SAMD3: variants seen among roughly 807,000 people sequenced by gnomAD.
SAMD3 encodes sterile alpha motif domain containing 3, also known as sterile alpha motif domain-containing protein 3.
A neutral mutation model predicts 58.5 loss-of-function variants in SAMD3; 63 were observed. The ratio of observed to expected loss-of-function variants is 1.08; its 90% CI spans 0.88 to 1.33. The LOEUF is 1.33. Among genes scored for constraint, SAMD3 ranks in the 40% most tolerant of loss-of-function variants. The probability of loss-of-function intolerance (pLI) is 0.00; values close to 1 mark genes in which losing one functional copy is unlikely to be tolerated. For synonymous variants in SAMD3, 220 were observed against 210.3 expected (o/e 1.05, Z -0.40); for missense variants, 604 against 608.4 (o/e 0.99, Z 0.08).
At chr6:130,157,572 C>T (rs4897371) in intron 8 of SAMD3, among the ~76,000 whole-genome samples, 118,031 of 152,110 alleles carry the variant, frequency 0.78, 45,878 homozygotes, top group East Asian at 0.93. Flanking sequence ...AAGTGATCTG[C>T]TACCTTGGCC....
chr6:130,169,978 C>A (rs1791090720), intron 8 of SAMD3, among the ~76,000 whole-genome samples: 1 of 147,970 alleles, frequency 6.8e-6, no homozygotes, highest in Non-Finnish European at 1.5e-5. Context: ...TACTGAAAAT[C>A]AAATGTTTGA....
chr6:130,319,398 C>A (rs970855226), intron 1 of SAMD3, among the ~76,000 whole-genome samples: 1 of 151,810 alleles, frequency 6.6e-6, no homozygotes, highest in Admixed American at 6.6e-5. Context: ...AAGCCCGAAG[C>A]GAAAGACACA....
chr6:130,266,166 T>C (rs1018911275), intron 2 of SAMD3, among the ~76,000 whole-genome samples: 1 of 152,142 alleles, frequency 6.6e-6, no homozygotes, highest in Non-Finnish European at 1.5e-5. Flanking sequence ...GAGGAAAAGT[T>C]TATAAACGCT....
intron 1 of SAMD3, among the ~76,000 whole-genome samples, chr6:130,331,485 G>A (rs1000180413): frequency 1.3e-5 from 2 of 152,150 alleles, no homozygotes; most frequent in Non-Finnish European, 2.9e-5. Flanking sequence ...CACTTTGGGA[G>A]GCCGAGGAGG....
At chr6:130,238,140 A>C (rs1166668393) in intron 2 of SAMD3, among the ~76,000 whole-genome samples, 2 of 152,206 alleles carry the variant, frequency 1.3e-5, no homozygotes, top group African/African-American at 4.8e-5. Flanking sequence ...ACATTTATAA[A>C]AAAACAAATT....
chr6:130,316,486 A>C (rs1776376020), intron 1 of SAMD3, among the ~76,000 whole-genome samples: 1 of 152,062 alleles, frequency 6.6e-6, no homozygotes. Flanking sequence ...AATTTTTATA[A>C]TTAAAAAATA....
chr6:130,234,266 T>C (rs1463658217), intron 2 of SAMD3, among the ~76,000 whole-genome samples: 1 of 152,148 alleles, frequency 6.6e-6, no homozygotes, highest in Non-Finnish European at 1.5e-5. Flanking sequence ...TATTTATTTA[T>C]TTATTTGAAA....
chr6:130,243,839 C>T (rs1052674528), intron 2 of SAMD3, among the ~76,000 whole-genome samples: 80 of 152,264 alleles, frequency 5.3e-4, no homozygotes, highest in African/African-American at 1.9e-3. Flanking sequence ...ACCACAAACA[C>T]ATTATGTAAT....
intron 7 of SAMD3, chr6:130,183,338 A>G (rs1328813064): frequency 8.9e-6 from 1 of 111,994 alleles, no homozygotes; most frequent in Non-Finnish European, 1.8e-5. Flanking sequence ...CTCCGTCTCA[A>G]AAAAAAAAAA....
At chr6:130,228,351 G>T (rs535539656) in intron 2 of SAMD3, among the ~76,000 whole-genome samples, 2 of 151,936 alleles carry the variant, frequency 1.3e-5, no homozygotes, top group South Asian at 4.2e-4. Context: ...ATTAAAAATT[G>T]TTTTTTTTCT....
intron 5 of SAMD3, among the ~76,000 whole-genome samples, chr6:130,191,463 C>G (rs886185793): frequency 4.6e-5 from 7 of 152,070 alleles, no homozygotes; most frequent in Admixed American, 2.0e-4. Flanking sequence ...TATTTAAACC[C>G]CTTTTGGAGC....
chr6:130,184,653 AT>A (rs1792758952), intron 5 of SAMD3, 30 bp from the exon 6 acceptor site: 2 of 1,566,582 alleles, frequency 1.3e-6, no homozygotes, highest in African/African-American at 2.7e-5. Flanking sequence ...AAAGAATGAA[AT>A]TCTATTCCAA....
At chr6:130,338,654 G>A (rs750695526) in intron 1 of SAMD3, among the ~76,000 whole-genome samples, 7 of 152,344 alleles carry the variant, frequency 4.6e-5, no homozygotes, top group African/African-American at 1.2e-4. Context: ...GATGTAAGAC[G>A]TGGAGTCAAG....
Position 130,214,455 on chromosome 6 carries a change from CA to C in SAMD3, c.150del (p.Ile50MetfsTer7). The part of the protein sequence containing the change: ...DRMVQQLVKK[I>X]GHQAVLMDLI... ...AAATCCATCAGAACAGCCTGGTGCC[CA>C]ATTTTCTTTACCAGTTGCTGAACCA... is the stretch of plus-strand genomic sequence containing the variant. On this transcript the variant is annotated frameshift_variant, in exon 4 of 12. Transcript: ENST00000439090. LOFTEE classifies it high-confidence loss of function. 1 of 1,612,960 alleles carries C rather than the reference CA, an allele frequency of 6.2e-7. No homozygotes were observed. The highest frequency in any genetic ancestry group is 8.5e-7 in the Non-Finnish European group (1 of 1,179,460).
chr6:130,334,028 T>C (rs1777025992), intron 1 of SAMD3, among the ~76,000 whole-genome samples: 1 of 152,240 alleles, frequency 6.6e-6, no homozygotes, highest in African/African-American at 2.4e-5. Context: ...GATAAATCTT[T>C]CCTCCTCCCT....
intron 2 of SAMD3, among the ~76,000 whole-genome samples, chr6:130,236,104 T>C (rs1336215739): frequency 6.6e-6 from 1 of 152,238 alleles, no homozygotes; most frequent in Admixed American, 6.5e-5. Flanking sequence ...TACAGATTTT[T>C]AAATGAGTGC....
At chr6:130,250,857 T>C (rs4897384) in intron 2 of SAMD3, among the ~76,000 whole-genome samples, 7,812 of 152,234 alleles carry the variant, frequency 0.051, 248 homozygotes, top group African/African-American at 0.098. Context: ...TGGATTTGGG[T>C]TTTTTCTACT....
intron 2 of SAMD3, among the ~76,000 whole-genome samples, chr6:130,309,758 A>C (rs1473421996): frequency 6.6e-6 from 1 of 152,224 alleles, no homozygotes; most frequent in Non-Finnish European, 1.5e-5. Flanking sequence ...ATCCATTTTC[A>C]CTGCCATTGC....
intron 2 of SAMD3, among the ~76,000 whole-genome samples, chr6:130,255,006 T>G (rs1333971219): frequency 1.3e-5 from 2 of 152,238 alleles, no homozygotes; most frequent in Non-Finnish European, 2.9e-5. Context: ...GTTTCCATGT[T>G]TGTCTCAAGA....
Sources: allele counts gnomAD v4.1 joint callset (sites outside exome capture counted in the v4.1 genomes callset), GRCh38; gene constraint gnomAD v4.1.1; transcripts MANE v1.5; gene names NCBI Gene and HGNC (gene_info 2026-07-23, HGNC 2026-07-21).